BRAF: variants seen among roughly 807,000 people sequenced by gnomAD.
BRAF encodes the protein B-Raf proto-oncogene, serine/threonine kinase, also known as serine/threonine-protein kinase B-raf.
A neutral mutation model predicts 104.6 loss-of-function variants in BRAF; 16 were observed. The ratio of observed to expected loss-of-function variants is 0.15; its 90% CI spans 0.10 to 0.23. The LOEUF (loss-of-function observed/expected upper bound fraction) is 0.23, where lower values mean the gene tolerates loss of function less well. BRAF is among the 10% of genes least tolerant of loss of function. BRAF has a pLI of 1.00. For synonymous variants in BRAF, 310 were observed against 341.6 expected (o/e 0.91, Z 1.02); for missense variants, 541 against 937.3 (o/e 0.58, Z 5.52).
At position 140,736,706 on chromosome 7, in the gene BRAF, C is replaced by T. The variant is rs569657299; in HGVS notation, c.2248-1936G>A. ...CCTCCCAAAGTGCTGGGATTACAGGCGTGAGCCACCGTGCCTGGCCTCTGT... is the reference window on the plus strand; with the variant it reads ...CCTCCCAAAGTGCTGGGATTACAGGTGTGAGCCACCGTGCCTGGCCTCTGT... On this transcript the variant is annotated intron_variant, in intron 18 of 19. Coordinates refer to ENST00000644969, the MANE Select transcript of BRAF (RefSeq NM_001374258.1). 6.0e-5 allele frequency among the ~76,000 whole-genome samples: 9 copies of T among 150,274 alleles called. No homozygotes were observed. The East Asian group carries it at 6.2e-4, about 10-fold the overall frequency.
intron 8 of BRAF, among the ~76,000 whole-genome samples, chr7:140,789,848 G>A (rs1006149389): frequency 2.0e-5 from 3 of 152,020 alleles, no homozygotes; most frequent in Admixed American, 6.6e-5. Flanking sequence ...CTCCTGCCTC[G>A]GCCTCCCGAG....
At chr7:140,740,110 G>A (rs764218287) in intron 17 of BRAF, 164 bp from the exon 17 acceptor site, 4 of 707,622 alleles carry the variant, frequency 5.7e-6, no homozygotes, top group Non-Finnish European at 9.1e-6. Flanking sequence ...CATAGATGGT[G>A]GGAAACCCAC....
chr7:140,739,937 T>C lies in BRAF; in HGVS notation c.2122A>G (p.Met708Val), dbSNP rs1796768122. The part of the protein sequence containing the change: ...NINNRDQIIF[M>V]VGRGYLSPDL... ...GGAGACAGGTATCCTCGTCCCACCA[T>C]AAAAATTATCTGGAGAGAGAAAAAA... is the stretch of plus-strand genomic sequence containing the variant. Residue 708 changes from methionine (M) to valine (V), a missense_variant, in exon 18 of 20, where the codon ATG becomes GTG. Transcript: ENST00000644969. 1 of 1,613,558 alleles carries C rather than the reference T, an allele frequency of 6.2e-7. No homozygotes were observed. The highest frequency in any genetic ancestry group is 8.5e-7 in the Non-Finnish European group (1 of 1,179,826).
At chr7:140,783,422 A>G in intron 10 of BRAF, 1 of 344,268 alleles carries the variant, frequency 2.9e-6, no homozygotes, top group East Asian at 4.4e-5. Flanking sequence ...TGCAAAATCT[A>G]GGAGAAAAAC....
chr7:140,714,863 C>G (rs540444381), downstream of BRAF, among the ~76,000 whole-genome samples: 1 of 152,196 alleles, frequency 6.6e-6, no homozygotes, highest in East Asian at 1.9e-4. Flanking sequence ...TTTGACTGGT[C>G]AGGGAGGGCA....
chr7:140,909,766 C>T (rs1816756201), intron 1 of BRAF, among the ~76,000 whole-genome samples: 1 of 151,884 alleles, frequency 6.6e-6, no homozygotes, highest in Non-Finnish European at 1.5e-5. Flanking sequence ...TAGATGGTGC[C>T]ACTGCATTTC....
chr7:140,723,499 T>C lies in BRAF; in HGVS notation c.*2995A>G. On this transcript the variant is annotated 3_prime_UTR_variant, in exon 20 of 20. Coordinates refer to ENST00000644969, the MANE Select transcript of BRAF (RefSeq NM_001374258.1). ...ATTTGACAGCTAGACAGAATCTTCT[T>C]TTAAGGTGCACATTAACAACAAATG... The C allele has an allele frequency of 9.5e-7, 1 of 1,053,374 alleles. No homozygotes were observed. The highest frequency in any genetic ancestry group is 1.1e-6 in the Non-Finnish European group (1 of 871,948). 65.3% of individuals were successfully genotyped at this position (1,053,374 alleles called of 1,614,324 possible). A position where few individuals can be genotyped will look rare whatever the true frequency, so the allele number is the denominator to read the frequency against.
chr7:140,734,889 C>G, intron 18 of BRAF, 119 bp from the exon 18 acceptor site: 2 of 1,117,768 alleles, frequency 1.8e-6, no homozygotes, highest in Non-Finnish European at 2.5e-6. Context: ...CTTTAAGAGT[C>G]CCATCACACT....
intron 1 of BRAF, among the ~76,000 whole-genome samples, chr7:140,876,222 C>T (rs1812248431): frequency 6.6e-6 from 1 of 152,084 alleles, no homozygotes. Context: ...GGACCATAAT[C>T]CATTTAAAGA....
At position 140,799,550 on chromosome 7, in the gene BRAF, A is replaced by G. The variant is rs777031398; in HGVS notation, c.980+812T>C. The G allele has an allele frequency of 1.2e-3, 277 of 231,944 alleles. 6 individuals are homozygous for G. Among genetic ancestry groups the G allele is most frequent in the Non-Finnish European group, 1.8e-4 (21 of 117,432 alleles). The allele number at this position is 231,944 out of a possible 1,614,324, so 14.4% of individuals were successfully genotyped here. On this transcript the variant is annotated intron_variant, in intron 7 of 19. Transcript: ENST00000644969. ...TAAACCTAACATCTTCATTCCCTTT[A>G]TATCTGTTTATTCCCTTTATATCTG...
At position 140,857,505 on chromosome 7, in the gene BRAF, A is replaced by G. The variant is rs796609369; in HGVS notation, c.139-7293T>C. Among the ~76,000 whole-genome samples the G allele has an allele frequency of 2.2e-4, 34 of 152,344 alleles. 1 individual carries two copies. The highest frequency in any genetic ancestry group is 7.9e-4 in the African/African-American group (33 of 41,578). On this transcript the variant is annotated intron_variant, in intron 1 of 19. Coordinates refer to ENST00000644969, the MANE Select transcript of BRAF (RefSeq NM_001374258.1). The stretch of plus-strand genomic sequence containing the variant: ...ATTATTGCAGCCATAGAAAATGAAC[A>G]CAGATGGAGAATCTAGAGACTAATA...
At position 140,721,239 on chromosome 7, in the gene BRAF, A is replaced by C. The variant is rs1479111686; in HGVS notation, c.*5255T>G. The C allele has an allele frequency of 9.1e-7, 1 of 1,101,168 alleles. No individual in the cohort carries two copies. The highest frequency in any genetic ancestry group is 3.8e-4 in the Middle Eastern group (1 of 2,604). 68.2% of individuals were successfully genotyped at this position (1,101,168 alleles called of 1,614,324 possible). On this transcript the variant is annotated 3_prime_UTR_variant, in exon 20 of 20. Transcript: ENST00000644969. ...TAAAACTTAACAGTTGAAGTTGTGG[A>C]TGTTAAATAAAAGTACTTTAGTCAC...
At chr7:140,826,233 TTTAC>T (rs1336368937) in intron 3 of BRAF, among the ~76,000 whole-genome samples, 1 of 152,220 alleles carries the variant, frequency 6.6e-6, no homozygotes, top group African/African-American at 2.4e-5. Context: ...ATACTGAAAT[TTTAC>T]TTAAAGTGTT....
intron 12 of BRAF, chr7:140,780,291 A>T (rs900627317): frequency 7.0e-6 from 1 of 142,510 alleles, no homozygotes; most frequent in African/African-American, 2.7e-5. Context: ...TCCAGGTTGG[A>T]GTGCAATGGC....
At chr7:140,872,990 A>G (rs1811782704) in intron 1 of BRAF, among the ~76,000 whole-genome samples, 4 of 152,150 alleles carry the variant, frequency 2.6e-5, no homozygotes, top group Admixed American at 1.3e-4. Flanking sequence ...AAATTCTAAG[A>G]TATATATAAA....
chr7:140,854,233 G>A (rs1809521024), intron 1 of BRAF, among the ~76,000 whole-genome samples: 1 of 152,224 alleles, frequency 6.6e-6, no homozygotes, highest in East Asian at 1.9e-4. Flanking sequence ...GATCAACTCG[G>A]CAAAACTGTT....
intron 5 of BRAF, among the ~76,000 whole-genome samples, chr7:140,806,026 T>C (rs1803624550): frequency 6.6e-6 from 1 of 152,226 alleles, no homozygotes; most frequent in Non-Finnish European, 1.5e-5. Context: ...AGGATTTTCA[T>C]GAGCTGGACT....
chr7:140,728,183 A>G (rs910838197), intron 19 of BRAF, among the ~76,000 whole-genome samples: 2 of 152,160 alleles, frequency 1.3e-5, no homozygotes, highest in Non-Finnish European at 2.9e-5. Flanking sequence ...TCTGCATCCA[A>G]TTCTCATGAT....
At position 140,866,836 on chromosome 7, in the gene BRAF, T is replaced by C. The variant is rs142288031; in HGVS notation, c.139-16624A>G. The stretch of plus-strand genomic sequence containing the variant: ...AAGATGTATGCTCACTAGTTTTATG[T>C]ACTTTTTCGTAAACCCTGAAATAAA... On this transcript the variant is annotated intron_variant, in intron 1 of 19. Transcript: ENST00000644969. Among the ~76,000 whole-genome samples the C allele has an allele frequency of 7.5e-4, 114 of 152,298 alleles. 1 individual carries two copies. In the East Asian group the frequency reaches 0.018, roughly 24 times the overall value.
Sources: allele counts gnomAD v4.1 joint callset (sites outside exome capture counted in the v4.1 genomes callset), GRCh38; gene constraint gnomAD v4.1.1; transcripts MANE v1.5; gene names NCBI Gene and HGNC (gene_info 2026-07-23, HGNC 2026-07-21).